Variants in CCDC178 observed in about 807,000 individuals in gnomAD.
The protein encoded by CCDC178 is coiled-coil domain-containing protein 178.
In CCDC178, 126 loss-of-function variants were observed where a neutral mutation model predicts 117.4. The ratio of observed to expected loss-of-function variants is 1.07; its 90% CI spans 0.93 to 1.24. The LOEUF is 1.24. Ranked by LOEUF, CCDC178 falls within the 50% of genes most tolerant of loss-of-function variation. The probability of loss-of-function intolerance (pLI) is 0.00; values close to 1 mark genes in which losing one functional copy is unlikely to be tolerated. For synonymous variants in CCDC178, 283 were observed against 313.4 expected, an observed-to-expected ratio of 0.90 and a Z score of 1.02; for missense variants, 1,030 against 986.9, an observed-to-expected ratio of 1.04 and a Z score of -0.59.
intron 5 of CCDC178, among the ~76,000 whole-genome samples, chr18:33,388,989 G>A (rs1249509126): frequency 1.3e-5 from 2 of 151,988 alleles, no homozygotes; most frequent in African/African-American, 2.4e-5. Context: ...GGCCTGTAGG[G>A]GGAGGGCAGG....
At chr18:33,317,172 T>G (rs1422304747) in intron 11 of CCDC178, among the ~76,000 whole-genome samples, 1 of 152,094 alleles carries the variant, frequency 6.6e-6, no homozygotes, top group East Asian at 1.9e-4. Context: ...TACTGCTCAC[T>G]CTTTGGGTCC....
chr18:33,308,794 T>A (rs2062294712), intron 11 of CCDC178, among the ~76,000 whole-genome samples: 1 of 152,178 alleles, frequency 6.6e-6, no homozygotes, highest in Admixed American at 6.5e-5. Context: ...GTTTCCCCCT[T>A]CATTCAGCTC....
chr18:33,349,095 T>C, intron 7 of CCDC178, 120 bp from the exon 8 acceptor site: 1 of 575,654 alleles, frequency 1.7e-6, no homozygotes, highest in Middle Eastern at 4.7e-4. Context: ...TACAAGATAA[T>C]CTTACTAGAT....
intron 12 of CCDC178, among the ~76,000 whole-genome samples, chr18:33,285,425 TA>T (rs1255458961): frequency 6.6e-6 from 1 of 152,176 alleles, no homozygotes; most frequent in African/African-American, 2.4e-5. Flanking sequence ...AAATATGTAT[TA>T]ATTATTTAGG....
At chr18:33,045,286 G>A (rs1679013607) in intron 21 of CCDC178, among the ~76,000 whole-genome samples, 1 of 152,158 alleles carries the variant, frequency 6.6e-6, no homozygotes, top group African/African-American at 2.4e-5. Flanking sequence ...CCTGATGCCT[G>A]TAGTGCTTAA....
At chr18:33,099,659 A>G (rs566782013) in intron 20 of CCDC178, among the ~76,000 whole-genome samples, 27 of 152,156 alleles carry the variant, frequency 1.8e-4, no homozygotes, top group African/African-American at 6.3e-4. Flanking sequence ...TACAGTGTGC[A>G]TAGAAGCATT....
chr18:33,248,176 T>C (rs764531752), intron 14 of CCDC178, among the ~76,000 whole-genome samples: 16 of 151,922 alleles, frequency 1.1e-4, no homozygotes, highest in Non-Finnish European at 2.4e-4. Flanking sequence ...AAAATAAATG[T>C]GAAGCTATAG....
chr18:33,260,238 ATGT>A (rs1470037428), intron 14 of CCDC178, among the ~76,000 whole-genome samples: 2 of 151,992 alleles, frequency 1.3e-5, no homozygotes, highest in Non-Finnish European at 2.9e-5. Flanking sequence ...AGATTCATTC[ATGT>A]TGTTGTGTGT....
At chr18:33,286,266 C>T (rs533161391) in intron 12 of CCDC178, among the ~76,000 whole-genome samples, 10 of 152,058 alleles carry the variant, frequency 6.6e-5, no homozygotes, top group Admixed American at 1.3e-4. Context: ...TGAGCCACCA[C>T]GCCTGGCCAG....
At chr18:32,953,610 G>C (rs1442220467) in intron 22 of CCDC178, among the ~76,000 whole-genome samples, 1 of 152,022 alleles carries the variant, frequency 6.6e-6, no homozygotes, top group African/African-American at 2.4e-5. Context: ...AAAAGTAGTT[G>C]GTTACCAAAG....
intron 20 of CCDC178, among the ~76,000 whole-genome samples, chr18:33,156,454 C>T (rs2144362192): frequency 6.6e-6 from 1 of 150,622 alleles, no homozygotes; most frequent in African/African-American, 2.4e-5. Context: ...AAAAAAAAAA[C>T]TCCCAGGTAG....
intron 22 of CCDC178, among the ~76,000 whole-genome samples, chr18:32,952,077 C>A (rs185171222): frequency 2.0e-5 from 3 of 152,208 alleles, no homozygotes; most frequent in East Asian, 1.9e-4. Flanking sequence ...CCCCTCCCAG[C>A]TGCTTTCATG....
At chr18:33,114,476 G>A (rs2057825555) in intron 20 of CCDC178, among the ~76,000 whole-genome samples, 1 of 151,912 alleles carries the variant, frequency 6.6e-6, no homozygotes, top group African/African-American at 2.4e-5. Context: ...GGTTCATAAT[G>A]GTTAATAACT....
intron 11 of CCDC178, among the ~76,000 whole-genome samples, chr18:33,300,517 A>C (rs2062163023): frequency 6.6e-6 from 1 of 152,192 alleles, no homozygotes; most frequent in South Asian, 2.1e-4. Flanking sequence ...ATACTGGTCA[A>C]ATGGTTGTGA....
intron 21 of CCDC178, among the ~76,000 whole-genome samples, chr18:32,993,878 A>G (rs1016395226): frequency 6.6e-6 from 1 of 152,166 alleles, no homozygotes; most frequent in Admixed American, 6.5e-5. Context: ...GTTTCCTTTC[A>G]CTTCAATTAC....
At chr18:33,286,710 T>C (rs1411463492) in intron 12 of CCDC178, among the ~76,000 whole-genome samples, 2 of 152,166 alleles carry the variant, frequency 1.3e-5, no homozygotes, top group East Asian at 3.8e-4. Flanking sequence ...ATATGCAACA[T>C]TTATATGAAA....
intron 9 of CCDC178, among the ~76,000 whole-genome samples, chr18:33,336,182 C>T (rs1016075344): frequency 7.2e-5 from 11 of 152,112 alleles, no homozygotes; most frequent in African/African-American, 2.4e-4. Context: ...CTTGGCTGCT[C>T]AATCTGAGCC....
At chr18:33,069,882 C>T (rs924474565) in intron 21 of CCDC178, among the ~76,000 whole-genome samples, 7 of 151,880 alleles carry the variant, frequency 4.6e-5, no homozygotes, top group Admixed American at 3.3e-4. Flanking sequence ...AGAGACATTT[C>T]TCAAAAGGAG....
chr18:33,236,326 C>T (rs2059426099), intron 15 of CCDC178, among the ~76,000 whole-genome samples: 1 of 152,120 alleles, frequency 6.6e-6, no homozygotes, highest in Non-Finnish European at 1.5e-5. Flanking sequence ...GCAAAAATTA[C>T]AAACTTGAAT....
Sources: gnomAD v4.1 joint callset for allele counts (sites outside exome capture counted in the v4.1 genomes callset) on GRCh38, gnomAD v4.1.1 for gene constraint, MANE v1.5 for transcripts, NCBI Gene and HGNC (gene_info 2026-07-23, HGNC 2026-07-21) for gene names.